STEAP1B: variants seen among roughly 807,000 people sequenced by gnomAD.
STEAP1B encodes STEAP family protein MGC87042.
A neutral mutation model predicts 27.9 loss-of-function variants in STEAP1B; 13 were observed. The observed-to-expected ratio is 0.47, with a 90% CI of 0.30 to 0.74. STEAP1B has a LOEUF of 0.74. Ranked by LOEUF, STEAP1B falls within the 30% of genes least tolerant of loss-of-function variation. STEAP1B has a pLI of 0.06. For synonymous variants in STEAP1B, 86 were observed against 107.1 expected (o/e 0.80, Z 1.22); for missense variants, 250 against 298.7 (o/e 0.84, Z 1.20).
chr7:22,492,644 G>A lies in STEAP1B; in HGVS notation c.683C>T (p.Ala228Val), dbSNP rs769333037. ...IYVSLGIVGLAILALLAVTSI... is the reference protein window; with the variant it reads ...IYVSLGIVGLVILALLAVTSI... The stretch of plus-strand genomic sequence containing the variant: ...TGTCACAGCCAACAGAGCCAGTATT[G>A]CCAGTCCCACAATTCCCAGAGACAC... The change falls in exon 4 of 5, where the codon GCA becomes GTA. Residue 228 changes from alanine (A) to valine (V), a missense_variant. Physicochemically the swap from Ala to Val is moderately conservative, Grantham distance 64. Coordinates refer to ENST00000678116, the MANE Select transcript of STEAP1B (RefSeq NM_001382447.1). The A allele has an allele frequency of 5.6e-6, 9 of 1,613,394 alleles. No individual in the cohort carries two copies. The highest frequency in any genetic ancestry group is 7.6e-6 in the Non-Finnish European group (9 of 1,179,698).
intron 4 of STEAP1B, among the ~76,000 whole-genome samples, chr7:22,460,102 G>A (rs1785653058): frequency 6.6e-6 from 1 of 151,918 alleles, no homozygotes; most frequent in Admixed American, 6.6e-5. Context: ...TTGAGCCCAG[G>A]AATTTGAAAC....
chr7:22,474,874 G>A (rs1288424859), intron 4 of STEAP1B, among the ~76,000 whole-genome samples: 1 of 152,168 alleles, frequency 6.6e-6, no homozygotes, highest in African/African-American at 2.4e-5. Context: ...CTAAGACCCA[G>A]GCAGGTAGCT....
At chr7:22,455,670 G>A (rs3114724) in intron 4 of STEAP1B, among the ~76,000 whole-genome samples, 60,148 of 151,990 alleles carry the variant, frequency 0.4, 11,974 homozygotes, top group South Asian at 0.48. Context: ...GTTTGCCTAT[G>A]CTACCTTAAC....
intron 4 of STEAP1B, among the ~76,000 whole-genome samples, chr7:22,450,599 G>GT (rs143262366): frequency 0.38 from 51,935 of 138,490 alleles, 9,465 homozygotes; most frequent in Admixed American, 0.46. Flanking sequence ...CTGTAGTTTT[G>GT]TTTTTTTTTT....
intron 4 of STEAP1B, among the ~76,000 whole-genome samples, chr7:22,489,562 T>A (rs748224221): frequency 2.6e-5 from 4 of 152,094 alleles, no homozygotes; most frequent in Non-Finnish European, 1.5e-5. Flanking sequence ...CTGGTTTCCT[T>A]ATAAAAAGGA....
chr7:22,473,840 ATGGTGG>A (rs1785927481), intron 4 of STEAP1B, among the ~76,000 whole-genome samples: 1 of 152,146 alleles, frequency 6.6e-6, no homozygotes, highest in South Asian at 2.1e-4. Flanking sequence ...TGGAGCTGTG[ATGGTGG>A]TGATGGCAGA....
chr7:22,499,905 C>T (rs2128420236), intron 1 of STEAP1B, among the ~76,000 whole-genome samples: 1 of 152,360 alleles, frequency 6.6e-6, no homozygotes, highest in East Asian at 1.9e-4. Flanking sequence ...CGGCCACAAC[C>T]CAGCTGGGCT....
At chr7:22,434,622 T>C (rs779291893) in intron 4 of STEAP1B, among the ~76,000 whole-genome samples, 33 of 152,238 alleles carry the variant, frequency 2.2e-4, no homozygotes, top group Non-Finnish European at 4.4e-4. Flanking sequence ...CACTTATGTA[T>C]TTATTCTCTA....
chr7:22,454,523 T>G (rs922794420), intron 4 of STEAP1B, among the ~76,000 whole-genome samples: 5 of 152,102 alleles, frequency 3.3e-5, no homozygotes, highest in Non-Finnish European at 7.4e-5. Context: ...AGAGAAGCTA[T>G]AAGCCACTGG....
intron 4 of STEAP1B, among the ~76,000 whole-genome samples, chr7:22,461,400 T>C (rs1196407875): frequency 6.6e-6 from 1 of 152,030 alleles, no homozygotes; most frequent in Non-Finnish European, 1.5e-5. Context: ...ATAGCTGCCA[T>C]TACAGGTGCC....
In STEAP1B at chr7:22,493,350, T is replaced by C; in HGVS notation, c.571A>G (p.Lys191Glu). The C allele has an allele frequency of 1.2e-6, 2 of 1,613,348 alleles. No homozygotes were observed. The highest frequency in any genetic ancestry group is 8.5e-7 in the Non-Finnish European group (1 of 1,179,304). ...TGTTGATATGCCCAGTTTAGCAACT[T>C]GTATCTGTAGGATCGCCTCATTGCG... ...SYAMRRSYRY[K>E]LLNWAYQQVQ... Residue 191 changes from lysine to glutamate, a missense_variant, in exon 3 of 5, where the codon AAG becomes GAG. Coordinates refer to ENST00000678116, the MANE Select transcript of STEAP1B (RefSeq NM_001382447.1).
chr7:22,474,427 A>T (rs1435580789), intron 4 of STEAP1B, among the ~76,000 whole-genome samples: 1 of 152,192 alleles, frequency 6.6e-6, no homozygotes, highest in Non-Finnish European at 1.5e-5. Flanking sequence ...CCACAGCCTT[A>T]TTTGGAATCT....
At chr7:22,472,745 C>A (rs963812761) in intron 4 of STEAP1B, among the ~76,000 whole-genome samples, 1 of 152,176 alleles carries the variant, frequency 6.6e-6, no homozygotes. Flanking sequence ...CCTCTCCCAG[C>A]AGAAACATTT....
At chr7:22,443,985 T>C (rs1785372029) in intron 4 of STEAP1B, among the ~76,000 whole-genome samples, 1 of 152,228 alleles carries the variant, frequency 6.6e-6, no homozygotes, top group Non-Finnish European at 1.5e-5. Context: ...CCCACTGCCC[T>C]GGTTTCTCCA....
chr7:22,428,016 G>A (rs1485268937), intron 4 of STEAP1B, among the ~76,000 whole-genome samples: 1 of 152,234 alleles, frequency 6.6e-6, no homozygotes, highest in East Asian at 1.9e-4. Flanking sequence ...CTACAAAGGA[G>A]CTTCTGTAGG....
intron 4 of STEAP1B, among the ~76,000 whole-genome samples, chr7:22,456,631 T>C (rs1785582468): frequency 1.3e-5 from 2 of 152,006 alleles, no homozygotes; most frequent in East Asian, 1.9e-4. Flanking sequence ...GTGTTGATGA[T>C]AGATAAGGGG....
chr7:22,486,616 T>C (rs544617917), intron 4 of STEAP1B, among the ~76,000 whole-genome samples: 1 of 152,198 alleles, frequency 6.6e-6, no homozygotes, highest in African/African-American at 2.4e-5. Flanking sequence ...AAAGCCCCTC[T>C]GGTCCTGACC....
At chr7:22,470,964 G>T (rs949834079) in intron 4 of STEAP1B, among the ~76,000 whole-genome samples, 1 of 152,144 alleles carries the variant, frequency 6.6e-6, no homozygotes, top group African/African-American at 2.4e-5. Context: ...GCCAATTTGG[G>T]CCTCTAAGAA....
intron 4 of STEAP1B, among the ~76,000 whole-genome samples, chr7:22,442,351 G>GTGTT (rs1423419694): frequency 2.6e-5 from 4 of 152,232 alleles, no homozygotes; most frequent in Non-Finnish European, 5.9e-5. Flanking sequence ...GACGACAAAC[G>GTGTT]TGTTTCTCCC....
Sources: allele counts gnomAD v4.1 joint callset (sites outside exome capture counted in the v4.1 genomes callset), GRCh38; gene constraint gnomAD v4.1.1; transcripts MANE v1.5; gene names NCBI Gene and HGNC (gene_info 2026-07-23, HGNC 2026-07-21).